The following FGF12 variants were observed in gnomAD, a reference collection of about 807,000 sequenced individuals.
FGF12 encodes the protein fibroblast growth factor 12B.
In FGF12, 14 loss-of-function variants were observed where a neutral mutation model predicts 23.6. That is an observed-to-expected ratio of 0.59 (90% CI 0.39 to 0.93). The LOEUF (loss-of-function observed/expected upper bound fraction) is 0.93. Among genes scored for constraint, FGF12 ranks in the 40% least tolerant of loss-of-function variants. FGF12 has a pLI of 0.00. For synonymous variants in FGF12, 62 were observed against 77.3 expected, an observed-to-expected ratio of 0.80 and a Z score of 1.04; for missense variants, 175 against 217.8, an observed-to-expected ratio of 0.80 and a Z score of 1.24.
At chr3:192,385,595 C>T (rs1307812763) in intron 2 of FGF12, among the ~76,000 whole-genome samples, 1 of 152,132 alleles carries the variant, frequency 6.6e-6, no homozygotes, top group African/African-American at 2.4e-5. Flanking sequence ...CTTCTCTTCC[C>T]ACTCTGGGCT....
chr3:192,445,245 T>G (rs1722318584), intron 2 of FGF12, among the ~76,000 whole-genome samples: 1 of 152,208 alleles, frequency 6.6e-6, no homozygotes, highest in South Asian at 2.1e-4. Context: ...AAGTGCAGCT[T>G]CTTAGGCCCT....
At chr3:192,307,237 C>A (rs193259182) in intron 4 of FGF12, among the ~76,000 whole-genome samples, 7 of 152,176 alleles carry the variant, frequency 4.6e-5, no homozygotes, top group Admixed American at 4.6e-4. Flanking sequence ...TTAATCATTA[C>A]AACAACCAAC....
At chr3:192,446,334 G>T (rs9814017) in intron 2 of FGF12, among the ~76,000 whole-genome samples, 2 of 152,194 alleles carry the variant, frequency 1.3e-5, no homozygotes, top group Admixed American at 1.3e-4. Context: ...CGGCAATTCA[G>T]TTTGCCTGAA....
chr3:192,393,098 C>A (rs1308061600), intron 2 of FGF12, among the ~76,000 whole-genome samples: 1 of 152,176 alleles, frequency 6.6e-6, no homozygotes, highest in African/African-American at 2.4e-5. Flanking sequence ...TCCCTCTCCA[C>A]CAGGAGTAAT....
At chr3:192,235,182 T>C (rs1337963425) in intron 4 of FGF12, among the ~76,000 whole-genome samples, 3 of 152,166 alleles carry the variant, frequency 2.0e-5, no homozygotes, top group Non-Finnish European at 4.4e-5. Flanking sequence ...GGGTATTTTT[T>C]AGTTTGTATG....
At chr3:192,337,790 A>T (rs901130484) in intron 3 of FGF12, among the ~76,000 whole-genome samples, 1 of 152,192 alleles carries the variant, frequency 6.6e-6, no homozygotes, top group African/African-American at 2.4e-5. Context: ...TGAATACCTA[A>T]TTCTTCTGTT....
intron 4 of FGF12, among the ~76,000 whole-genome samples, chr3:192,284,347 T>C (rs1426525658): frequency 6.6e-6 from 1 of 152,100 alleles, no homozygotes; most frequent in Non-Finnish European, 1.5e-5. Context: ...ATCTGGTTAA[T>C]ATAATTCTTT....
At chr3:192,178,568 G>T (rs780717904) in intron 4 of FGF12, among the ~76,000 whole-genome samples, 6 of 152,000 alleles carry the variant, frequency 3.9e-5, no homozygotes, top group Admixed American at 1.3e-4. Context: ...GCACGATCTC[G>T]GCTCACTGCA....
chr3:192,378,969 T>G (rs1221081026), intron 2 of FGF12, among the ~76,000 whole-genome samples: 3 of 152,168 alleles, frequency 2.0e-5, no homozygotes, highest in Non-Finnish European at 4.4e-5. Flanking sequence ...GTCCATGATT[T>G]CTCATCATTT....
intron 2 of FGF12, among the ~76,000 whole-genome samples, chr3:192,503,588 G>GGT (rs1553822549): frequency 4.0e-4 from 43 of 107,348 alleles, no homozygotes; most frequent in African/African-American, 6.1e-4. Context: ...TTTTTTTTTT[G>GGT]GTGTGTGTGT....
chr3:192,558,762 T>C (rs1417772178), intron 2 of FGF12, among the ~76,000 whole-genome samples: 1 of 151,984 alleles, frequency 6.6e-6, no homozygotes, highest in Admixed American at 6.6e-5. Flanking sequence ...TATAGATCAA[T>C]GGAATAGAAT....
chr3:192,576,644 A>T (rs1199232530), intron 2 of FGF12, among the ~76,000 whole-genome samples: 1 of 152,184 alleles, frequency 6.6e-6, no homozygotes, highest in African/African-American at 2.4e-5. Context: ...AGAATACTTG[A>T]TGGTATGGAA....
intron 2 of FGF12, among the ~76,000 whole-genome samples, chr3:192,667,166 A>C (rs769843974): frequency 1.3e-5 from 2 of 152,208 alleles, no homozygotes; most frequent in Non-Finnish European, 2.9e-5. Flanking sequence ...AGAATTTCCC[A>C]ACCTAGTGGT....
At chr3:192,332,611 G>A (rs1717180289) in intron 4 of FGF12, among the ~76,000 whole-genome samples, 1 of 152,016 alleles carries the variant, frequency 6.6e-6, no homozygotes, top group African/African-American at 2.4e-5. Flanking sequence ...TCCTGGTGAA[G>A]AAATAGAAAT....
chr3:192,662,468 C>T (rs1283162245), intron 2 of FGF12, among the ~76,000 whole-genome samples: 1 of 152,196 alleles, frequency 6.6e-6, no homozygotes, highest in Non-Finnish European at 1.5e-5. Context: ...TCAGGGATGA[C>T]TTGAAAGCTA....
intron 2 of FGF12, among the ~76,000 whole-genome samples, chr3:192,688,080 A>T (rs372009087): frequency 6.6e-6 from 1 of 151,896 alleles, no homozygotes; most frequent in Non-Finnish European, 1.5e-5. Flanking sequence ...GAGCACACGC[A>T]CACCACTGAC....
intron 2 of FGF12, among the ~76,000 whole-genome samples, chr3:192,559,440 C>T (rs1003606718): frequency 2.0e-5 from 3 of 151,906 alleles, no homozygotes; most frequent in Admixed American, 2.0e-4. Flanking sequence ...AGGTAGAACA[C>T]AGAGGATTTT....
At chr3:192,646,279 G>T (rs894352814) in intron 2 of FGF12, among the ~76,000 whole-genome samples, 1 of 152,012 alleles carries the variant, frequency 6.6e-6, no homozygotes, top group African/African-American at 2.4e-5. Context: ...AATAAAAGAG[G>T]CAGGGGAAGT....
chr3:192,582,666 T>C (rs1713203785), intron 2 of FGF12, among the ~76,000 whole-genome samples: 1 of 147,700 alleles, frequency 6.8e-6, no homozygotes, highest in Non-Finnish European at 1.5e-5. Flanking sequence ...GAGCAGGAAA[T>C]GCTTCCACAG....
Sources: allele counts gnomAD v4.1 joint callset (sites outside exome capture counted in the v4.1 genomes callset), GRCh38; gene constraint gnomAD v4.1.1; transcripts MANE v1.5; gene names NCBI Gene and HGNC (gene_info 2026-07-23, HGNC 2026-07-21).